The following NXPE4 variants were observed in gnomAD, a reference collection of about 807,000 sequenced individuals.
The protein encoded by NXPE4 is NXPE family member 4.
Under a neutral mutation model 33.3 loss-of-function variants are expected in NXPE4, and 42 were observed. The ratio of observed to expected loss-of-function variants is 1.26; its 90% confidence interval spans 0.98 to 1.63. The LOEUF is 1.63. Among genes scored for constraint, NXPE4 ranks in the 40% most tolerant of loss-of-function variants. The pLI is 0.00. For missense variants in NXPE4, 709 were observed against 647.6 expected (o/e 1.09, Z -1.03); for synonymous variants, 253 against 234.9 (o/e 1.08, Z -0.71).
upstream of NXPE4, among the ~76,000 whole-genome samples, chr11:114,598,971 A>G (rs1358236762): frequency 2.0e-5 from 3 of 152,314 alleles, no homozygotes; most frequent in East Asian, 5.8e-4. Flanking sequence ...CCTCCACTGA[A>G]AATGACCATT....
At chr11:114,613,705 T>C in the NXPE4 span, among the ~76,000 whole-genome samples, 1 of 151,968 alleles carries the variant, frequency 6.6e-6, no homozygotes, top group African/African-American at 2.4e-5. Flanking sequence ...GAGCCACTGT[T>C]ACCCAGCAGG....
the NXPE4 span, among the ~76,000 whole-genome samples, chr11:114,653,996 C>T: frequency 4.6e-5 from 7 of 152,124 alleles, no homozygotes; most frequent in South Asian, 2.1e-4. Flanking sequence ...AAGGCATACC[C>T]GGCAGAGGGA....
chr11:114,588,138 A>G (rs1041545447), intron 2 of NXPE4, among the ~76,000 whole-genome samples: 1 of 152,120 alleles, frequency 6.6e-6, no homozygotes, highest in African/African-American at 2.4e-5. Context: ...CCTCCAGGGA[A>G]CTATCTGAGG....
the NXPE4 span, among the ~76,000 whole-genome samples, chr11:114,676,516 C>T: frequency 1.3e-5 from 2 of 151,832 alleles, no homozygotes; most frequent in Admixed American, 6.6e-5. Flanking sequence ...AAATGTCAAG[C>T]CTCACTAATC....
chr11:114,667,533 A>G, the NXPE4 span, among the ~76,000 whole-genome samples: 1 of 152,282 alleles, frequency 6.6e-6, no homozygotes, highest in East Asian at 1.9e-4. Context: ...CTTCTAACAA[A>G]TATAATTTGG....
At chr11:114,637,810 G>C in the NXPE4 span, among the ~76,000 whole-genome samples, 1 of 152,028 alleles carries the variant, frequency 6.6e-6, no homozygotes, top group African/African-American at 2.4e-5. Context: ...CTTCTGGCTT[G>C]TAGAGTTTCT....
chr11:114,625,345 G>C, the NXPE4 span, among the ~76,000 whole-genome samples: 5 of 151,404 alleles, frequency 3.3e-5, no homozygotes, highest in Non-Finnish European at 7.4e-5. Context: ...ACTGTTACTG[G>C]GTGTATAATA....
chr11:114,622,705 C>T, the NXPE4 span, among the ~76,000 whole-genome samples: 6 of 151,606 alleles, frequency 4.0e-5, no homozygotes, highest in Non-Finnish European at 5.9e-5. Context: ...CCCCTTTTCC[C>T]GGTGGATAAT....
At chr11:114,626,371 G>A in the NXPE4 span, among the ~76,000 whole-genome samples, 1 of 152,214 alleles carries the variant, frequency 6.6e-6, no homozygotes. Context: ...CCTGACCCCT[G>A]ACCCCCGAGC....
chr11:114,615,353 C>A, the NXPE4 span, among the ~76,000 whole-genome samples: 1 of 151,980 alleles, frequency 6.6e-6, no homozygotes, highest in African/African-American at 2.4e-5. Flanking sequence ...AGTTTTGCCT[C>A]GTGGATAACC....
At chr11:114,656,831 G>C in the NXPE4 span, among the ~76,000 whole-genome samples, 1 of 152,052 alleles carries the variant, frequency 6.6e-6, no homozygotes, top group Non-Finnish European at 1.5e-5. Context: ...TCAAATTACT[G>C]CCTGTAATCC....
chr11:114,573,969 A>G (rs1000121884), intron 5 of NXPE4, among the ~76,000 whole-genome samples: 1 of 152,060 alleles, frequency 6.6e-6, no homozygotes, highest in Non-Finnish European at 1.5e-5. Flanking sequence ...GCCACAAAAC[A>G]AGTCTCAGTA....
intron 5 of NXPE4, among the ~76,000 whole-genome samples, chr11:114,574,320 C>A (rs1948951980): frequency 6.6e-6 from 1 of 151,492 alleles, no homozygotes; most frequent in African/African-American, 2.4e-5. Flanking sequence ...CAAGAATAAT[C>A]CAAACCCAAA....
At chr11:114,652,641 G>A in the NXPE4 span, among the ~76,000 whole-genome samples, 1 of 152,196 alleles carries the variant, frequency 6.6e-6, no homozygotes, top group African/African-American at 2.4e-5. Context: ...ATAAAGTCTT[G>A]AAATCATTCT....
chr11:114,625,694 G>T, the NXPE4 span, among the ~76,000 whole-genome samples: 1 of 152,152 alleles, frequency 6.6e-6, no homozygotes, highest in African/African-American at 2.4e-5. Flanking sequence ...AGTAGGAACA[G>T]CCCCGGTCTA....
At chr11:114,582,071 A>G (rs1383086414) in intron 3 of NXPE4, among the ~76,000 whole-genome samples, 4 of 152,150 alleles carry the variant, frequency 2.6e-5, no homozygotes, top group Admixed American at 6.5e-5. Flanking sequence ...TTTATTCTGT[A>G]TATATTTTTT....
At chr11:114,671,921 T>C in the NXPE4 span, among the ~76,000 whole-genome samples, 1 of 152,096 alleles carries the variant, frequency 6.6e-6, no homozygotes, top group South Asian at 2.1e-4. Context: ...AATTTATAAG[T>C]AAAAGAGGTT....
the NXPE4 span, among the ~76,000 whole-genome samples, chr11:114,659,188 C>T: frequency 6.6e-6 from 1 of 152,118 alleles, no homozygotes; most frequent in Non-Finnish European, 1.5e-5. Flanking sequence ...TTAATCTATA[C>T]TGTTTTAAAC....
At chr11:114,619,877 C>G in the NXPE4 span, among the ~76,000 whole-genome samples, 5 of 152,058 alleles carry the variant, frequency 3.3e-5, no homozygotes, top group African/African-American at 9.6e-5. Context: ...AGTGTTGCCT[C>G]GTGGGTAAGA....
Sources: allele counts gnomAD v4.1 joint callset (sites outside exome capture counted in the v4.1 genomes callset), GRCh38; gene constraint gnomAD v4.1.1; transcripts MANE v1.5; gene names NCBI Gene and HGNC (gene_info 2026-07-23, HGNC 2026-07-21).